The following XKR7 variants were observed in gnomAD, a reference collection of about 807,000 sequenced individuals.
XKR7 encodes XK-related protein 7.
A neutral mutation model predicts 42.2 loss-of-function variants in XKR7; 11 were observed. The ratio of observed to expected loss-of-function variants is 0.26; its 90% CI spans 0.16 to 0.43. The LOEUF is 0.43. Ranked by LOEUF, XKR7 falls within the 20% of genes least tolerant of loss-of-function variation. The probability of loss-of-function intolerance (pLI) is 1.00; values close to 1 mark genes in which losing one functional copy is unlikely to be tolerated. For missense variants in XKR7, 710 were observed against 802.2 expected (o/e 0.89, Z 1.39); for synonymous variants, 346 against 366.4 (o/e 0.94, Z 0.64).
In XKR7 at chr20:31,968,396, A is replaced by G; in HGVS notation, c.221A>G (p.Asp74Gly). 6.2e-7 allele frequency: 1 copy of G among 1,613,474 alleles called. No homozygotes were observed. The highest frequency in any genetic ancestry group is 8.5e-7 in the Non-Finnish European group (1 of 1,179,772). Reference protein sequence around the residue: ...LLVFFSDGATDLWLAASYYLQ... With the variant: ...LLVFFSDGATGLWLAASYYLQ... The stretch of plus-strand genomic sequence containing the variant: ...GTGTTCTTCTCCGACGGTGCCACGG[A>G]CCTGTGGCTGGCGGCCTCCTACTAC... Residue 74 changes from aspartate to glycine, a missense_variant, in exon 1 of 3, where the codon GAC becomes GGC. By Grantham distance (94) the Asp-to-Gly change is moderately conservative. Around this residue, in one of 2 missense-constraint regions of XKR7, gnomAD observed 708 missense variants for 786.2 expected, o/e 0.90. Transcript: ENST00000562532. The surrounding 1 kb of genome is among the most constrained non-coding windows in gnomAD (Gnocchi z 4.5).
intron 1 of XKR7, among the ~76,000 whole-genome samples, chr20:31,983,958 TAAATA>T (rs1314521385): frequency 7.1e-6 from 1 of 141,520 alleles, no homozygotes; most frequent in Non-Finnish European, 1.5e-5. Context: ...AATAAATAAA[TAAATA>T]AATAAATAAA....
intron 1 of XKR7, among the ~76,000 whole-genome samples, chr20:31,993,111 C>CACACACACATACACAT (rs144007726): frequency 6.6e-6 from 1 of 150,580 alleles, no homozygotes; most frequent in Non-Finnish European, 1.5e-5. Flanking sequence ...CACACACACA[C>CACACACACATACACAT]ACACATACAC....
At chr20:31,974,057 G>A (rs963153943) in intron 1 of XKR7, among the ~76,000 whole-genome samples, 4 of 152,188 alleles carry the variant, frequency 2.6e-5, no homozygotes, top group African/African-American at 9.7e-5. Context: ...GCTGGGCATG[G>A]TGGTGCGCAC....
chr20:31,982,201 G>C (rs2064516430), intron 1 of XKR7, among the ~76,000 whole-genome samples: 1 of 152,206 alleles, frequency 6.6e-6, no homozygotes, highest in Non-Finnish European at 1.5e-5. Flanking sequence ...TTTTAGCACA[G>C]TTTGGGGTAC....
chr20:31,996,457 G>A (rs1341522133), intron 2 of XKR7, 48 bp from the exon 3 acceptor site: 37 of 62,646 alleles, frequency 5.9e-4, no homozygotes, highest in South Asian at 2.1e-3. Flanking sequence ...ACCCCAACCC[G>A]AGCCCGCCCC....
In XKR7 at chr20:31,997,228, G is replaced by C; in HGVS notation, c.1511G>C (p.Arg504Pro). Reference protein sequence around the residue: ...GTPTPPVFQVRPGLPPTPVAR... With the variant: ...GTPTPPVFQVPPGLPPTPVAR... ...CCCACCCCACCTGTCTTCCAGGTGC[G>C]GCCTGGCTTGCCTCCCACACCAGTG... Residue 504 changes from arginine to proline, a missense_variant, in exon 3 of 3, where the codon CGG becomes CCG. By Grantham distance (103) the Arg-to-Pro change is moderately radical (BLOSUM62 -2). Coordinates refer to ENST00000562532, the MANE Select transcript of XKR7 (RefSeq NM_001011718.2). 1 of 1,611,374 alleles carries C rather than the reference G, an allele frequency of 6.2e-7. No homozygotes were observed. The highest frequency in any genetic ancestry group is 8.5e-7 in the Non-Finnish European group (1 of 1,179,824).
chr20:31,980,019 C>CA (rs1226767811), intron 1 of XKR7, among the ~76,000 whole-genome samples: 3 of 150,000 alleles, frequency 2.0e-5, no homozygotes, highest in African/African-American at 4.9e-5. Context: ...CTCTGCTGTG[C>CA]AAAAGAGGGA....
chr20:31,988,794 G>A (rs1443936495), intron 1 of XKR7, among the ~76,000 whole-genome samples: 7 of 152,178 alleles, frequency 4.6e-5, no homozygotes, highest in African/African-American at 4.8e-5. Flanking sequence ...GTAGGAAGAA[G>A]GTCAAGAATG....
chr20:31,995,182 G>T lies in XKR7; in HGVS notation c.699G>T (p.Leu233Phe). The T allele has an allele frequency of 6.5e-7, 1 of 1,549,980 alleles. No individual in the cohort carries two copies. ...GCGCCGACGTGAGCATGCTGCGCTT[G>T]CTGGAGACCTTCCTGCGCAGCGCGC... ...FESADVSMLRLLETFLRSAPQ... is the reference protein window; with the variant it reads ...FESADVSMLRFLETFLRSAPQ... The change falls in exon 2 of 3, where the codon TTG becomes TTT. Residue 233 changes from leucine to phenylalanine, a missense_variant. This residue lies in a region of XKR7 where 708 missense variants were observed against 786.2 expected (regional missense o/e 0.90). Transcript: ENST00000562532. This position sits in a 1 kb window ranked among gnomAD's most constrained non-coding sequence, Gnocchi z 4.1.
At position 31,996,947 on chromosome 20, in the gene XKR7, C is replaced by T. The variant is rs763335599; in HGVS notation, c.1230C>T (p.Thr410=). The T allele has an allele frequency of 7.4e-6, 12 of 1,614,028 alleles. No homozygotes were observed. Among genetic ancestry groups the T allele is most frequent in the Admixed American group, 3.3e-5 (2 of 60,014 alleles). Residue 410 remains threonine (T), a synonymous_variant, in exon 3 of 3, where the codon ACC becomes ACT. Coordinates refer to ENST00000562532, the MANE Select transcript of XKR7 (RefSeq NM_001011718.2). ...GFWYSSRNFS[T]DFYSLIMVCV... ...GGTACTCCAGCCGCAACTTCTCAAC[C>T]GACTTCTACTCGCTCATCATGGTCT...
At chr20:31,994,398 G>A (rs2064582079) in intron 1 of XKR7, among the ~76,000 whole-genome samples, 1 of 152,084 alleles carries the variant, frequency 6.6e-6, no homozygotes, top group Admixed American at 6.6e-5. Flanking sequence ...ATCTCTCTGG[G>A]TCTCAGTTTG....
Position 32,003,255 on chromosome 20 carries a change from C to A in XKR7, c.*5798C>A, listed in dbSNP as rs1320815265. The A allele has an allele frequency of 1.3e-5, 2 of 152,198 alleles. No homozygotes were observed. The highest frequency in any genetic ancestry group is 4.8e-5 in the African/African-American group (2 of 41,452). The allele number at this position is 152,198 out of a possible 1,614,324, so 9.4% of individuals were successfully genotyped here. A position where few individuals can be genotyped will look rare whatever the true frequency, so the allele number is the denominator to read the frequency against. ...TGACCCCCATTCACCCTCCGAGCTT[C>A]CCCCAGGAGGGGGAGGGGGAGGGGG... On this transcript the variant is annotated 3_prime_UTR_variant, in exon 3 of 3. Coordinates refer to ENST00000562532, the MANE Select transcript of XKR7 (RefSeq NM_001011718.2).
chr20:31,999,275 A>T lies in XKR7; in HGVS notation c.*1818A>T, dbSNP rs1314677142. 1 of 151,910 alleles carries T rather than the reference A, an allele frequency of 6.6e-6. No homozygotes were observed. Among genetic ancestry groups the T allele is most frequent in the African/African-American group, 2.4e-5 (1 of 41,356 alleles). The allele number at this position is 151,910 out of a possible 1,614,324, so 9.4% of individuals were successfully genotyped here. On this transcript the variant is annotated 3_prime_UTR_variant, in exon 3 of 3. Transcript: ENST00000562532. ...CAAGGTCCCAGACTCTGGGCTGCCC[A>T]TCAAAAGGTGATGGGTAATGATGAA...
intron 1 of XKR7, among the ~76,000 whole-genome samples, chr20:31,987,744 T>C (rs114304861): frequency 0.032 from 4,849 of 152,266 alleles, 259 homozygotes; most frequent in African/African-American, 0.11. Flanking sequence ...ATTCACAGGA[T>C]AGACAGGCTG....
chr20:31,974,752 A>T (rs912101118), intron 1 of XKR7, among the ~76,000 whole-genome samples: 1 of 152,088 alleles, frequency 6.6e-6, no homozygotes, highest in African/African-American at 2.4e-5. Flanking sequence ...CATGTCTAAG[A>T]TTTTGTTTTG....
chr20:31,988,428 T>A (rs1205513993), intron 1 of XKR7, among the ~76,000 whole-genome samples: 1 of 151,836 alleles, frequency 6.6e-6, no homozygotes, highest in African/African-American at 2.4e-5. Context: ...AAGAGACAGG[T>A]TTTTGGGTCC....
chr20:31,997,313 C>T lies in XKR7; in HGVS notation c.1596C>T (p.Tyr532=), dbSNP rs1366388387. Residue 532 remains tyrosine (Y), a synonymous_variant, in exon 3 of 3, where the codon TAC becomes TAT. Coordinates refer to ENST00000562532, the MANE Select transcript of XKR7 (RefSeq NM_001011718.2). ...GGATTGACTTGCCTCGCAAGAAGTACCCGGCCTGGGATGCTCATTTTATTG... is the reference window on the plus strand; with the variant it reads ...GGATTGACTTGCCTCGCAAGAAGTATCCGGCCTGGGATGCTCATTTTATTG... ...VIRIDLPRKK[Y]PAWDAHFIDR... The T allele has an allele frequency of 1.9e-6, 3 of 1,611,120 alleles. No individual in the cohort carries two copies. The highest frequency in any genetic ancestry group is 3.3e-5 in the Admixed American group (2 of 60,036).
intron 1 of XKR7, among the ~76,000 whole-genome samples, chr20:31,993,642 A>T (rs930027932): frequency 2.6e-5 from 4 of 152,174 alleles, no homozygotes; most frequent in Non-Finnish European, 4.4e-5. Context: ...TAGATTAAGC[A>T]CCTACTGTGT....
intron 1 of XKR7, among the ~76,000 whole-genome samples, chr20:31,975,966 T>C (rs2064482861): frequency 6.6e-6 from 1 of 152,260 alleles, no homozygotes; most frequent in Non-Finnish European, 1.5e-5. Flanking sequence ...CCCAAAACCC[T>C]GGCTCTGCCA....
Sources: allele counts gnomAD v4.1 joint callset (sites outside exome capture counted in the v4.1 genomes callset), GRCh38; gene constraint gnomAD v4.1.1; regional missense constraint gnomAD v4.1.1; non-coding constraint Gnocchi (gnomAD v3.1); transcripts MANE v1.5; gene names NCBI Gene and HGNC (gene_info 2026-07-23, HGNC 2026-07-21).